Variants in PPP2R2C observed in about 807,000 individuals in gnomAD.
PPP2R2C encodes the protein protein phosphatase 2 regulatory subunit Bgamma, also known as protein phosphatase 2, regulatory subunit B, gamma.
PPP2R2C carries 10 observed loss-of-function variants against 45.3 expected under a neutral mutation model. The ratio of observed to expected loss-of-function variants is 0.22; its 90% CI spans 0.14 to 0.37. The LOEUF (loss-of-function observed/expected upper bound fraction) is 0.37. PPP2R2C is among the 10% of genes least tolerant of loss of function. The pLI is 1.00. For missense variants in PPP2R2C, 308 were observed against 619.7 expected, an observed-to-expected ratio of 0.50 and a Z score of 5.34; for synonymous variants, 257 against 245.4, an observed-to-expected ratio of 1.05 and a Z score of -0.44.
chr4:6,451,252 G>A (rs909768457), intron 1 of PPP2R2C, among the ~76,000 whole-genome samples: 1 of 152,184 alleles, frequency 6.6e-6, no homozygotes, highest in Non-Finnish European at 1.5e-5. Context: ...AGTGTGGGCT[G>A]GATCCGCTGT....
At position 6,345,358 on chromosome 4, in the gene PPP2R2C, C is replaced by T. The variant is rs994788332; in HGVS notation, c.790+2488G>A. 9.9e-5 allele frequency among the ~76,000 whole-genome samples: 15 copies of T among 152,258 alleles called. No homozygotes were observed. Among genetic ancestry groups the T allele is most frequent in the African/African-American group, 2.9e-4 (12 of 41,546 alleles). On this transcript the variant is annotated intron_variant, in intron 6 of 8. Coordinates refer to ENST00000382599, the MANE Select transcript of PPP2R2C (RefSeq NM_020416.4). The surrounding 1 kb of genome is among the most constrained non-coding windows in gnomAD (Gnocchi z 5.3). The stretch of plus-strand genomic sequence containing the variant: ...TAGGCGGTGGAACGGCCCCCAGAGA[C>T]GGCTGCGTCCTGATCCCTAGCACCT...
upstream of PPP2R2C, among the ~76,000 whole-genome samples, chr4:6,476,391 A>C (rs1052362682): frequency 6.6e-6 from 1 of 152,154 alleles, no homozygotes; most frequent in African/African-American, 2.4e-5. Context: ...ATTAGGTCCC[A>C]AGGGTGGGGC....
chr4:6,344,014 C>T (rs995740939), intron 6 of PPP2R2C, among the ~76,000 whole-genome samples: 10 of 152,352 alleles, frequency 6.6e-5, no homozygotes, highest in African/African-American at 2.2e-4. Context: ...GCAAGAGCCG[C>T]CAGAGGTCAG....
At chr4:6,336,105 G>A (rs1732825603) in intron 6 of PPP2R2C, among the ~76,000 whole-genome samples, 1 of 152,056 alleles carries the variant, frequency 6.6e-6, no homozygotes, top group Admixed American at 6.5e-5. Flanking sequence ...ACTAATAAGT[G>A]GTGTCATATT....
intron 5 of PPP2R2C, among the ~76,000 whole-genome samples, chr4:6,353,198 G>A (rs997348923): frequency 6.6e-6 from 1 of 151,934 alleles, no homozygotes; most frequent in African/African-American, 2.4e-5. Flanking sequence ...CACCCAAGGT[G>A]CTTCCTGGGA....
At chr4:6,512,120 GGGT>G (rs764467530) in intron 2 of PPP2R2C, among the ~76,000 whole-genome samples, 2,769 of 19,824 alleles carry the variant, frequency 0.14, 491 homozygotes, top group East Asian at 0.44. Context: ...GTGATGGTGG[GGGT>G]GGTGGTGGTG....
At chr4:6,545,677 CT>C (rs1230661610) in intron 1 of PPP2R2C, among the ~76,000 whole-genome samples, 1 of 152,188 alleles carries the variant, frequency 6.6e-6, no homozygotes, top group African/African-American at 2.4e-5. Context: ...CTGAGCAACC[CT>C]CTTTTTCTAA....
chr4:6,441,702 G>A (rs1720162125), intron 1 of PPP2R2C, among the ~76,000 whole-genome samples: 2 of 152,212 alleles, frequency 1.3e-5, no homozygotes, highest in African/African-American at 2.4e-5. Flanking sequence ...GGGCAAAGGA[G>A]CCTTAAAGGT....
intron 1 of PPP2R2C, among the ~76,000 whole-genome samples, chr4:6,468,866 A>C (rs1721715475): frequency 6.6e-6 from 1 of 151,966 alleles, no homozygotes; most frequent in Non-Finnish European, 1.5e-5. Context: ...AGCTCTTGAG[A>C]AATGTCTAAC....
At chr4:6,333,874 T>G in intron 6 of PPP2R2C, 143 bp from the exon 7 acceptor site, 1 of 868,320 alleles carries the variant, frequency 1.2e-6, no homozygotes, top group Non-Finnish European at 1.8e-6. Context: ...ACTAAACACT[T>G]ACCAGGGAAC....
intron 6 of PPP2R2C, 26 bp from the exon 7 acceptor site, chr4:6,333,757 G>T (rs369290850): frequency 3.7e-6 from 6 of 1,613,266 alleles, no homozygotes; most frequent in Non-Finnish European, 5.1e-6. Context: ...AGCAATGGCC[G>T]TCACTGCGCT....
chr4:6,499,069 C>T (rs578093473), intron 2 of PPP2R2C, among the ~76,000 whole-genome samples: 2 of 152,238 alleles, frequency 1.3e-5, no homozygotes, highest in South Asian at 2.1e-4. Flanking sequence ...GTGGCCAGGA[C>T]GTGGTGCCCA....
chr4:6,420,135 GTC>G (rs1362509944), intron 1 of PPP2R2C, among the ~76,000 whole-genome samples: 1 of 151,956 alleles, frequency 6.6e-6, no homozygotes, highest in Admixed American at 6.6e-5. Context: ...ATATGTGTAT[GTC>G]TCTCTCAGTC....
chr4:6,439,228 C>T (rs928040436), intron 1 of PPP2R2C, among the ~76,000 whole-genome samples: 1 of 152,226 alleles, frequency 6.6e-6, no homozygotes, highest in African/African-American at 2.4e-5. Flanking sequence ...CCAGTATCAG[C>T]AGAAATGACT....
intron 2 of PPP2R2C, among the ~76,000 whole-genome samples, chr4:6,528,408 G>A (rs1282415674): frequency 1.3e-5 from 2 of 152,208 alleles, no homozygotes; most frequent in African/African-American, 4.8e-5. Context: ...TGAGCGCCCT[G>A]CCTCAGAATC....
chr4:6,434,385 G>C, intron 1 of PPP2R2C, among the ~76,000 whole-genome samples: 1 of 98,944 alleles, frequency 1.0e-5, no homozygotes. Flanking sequence ...TGGAGACAGA[G>C]TCTCACACTG....
At chr4:6,506,103 A>C (rs984858559) in intron 2 of PPP2R2C, among the ~76,000 whole-genome samples, 3 of 152,326 alleles carry the variant, frequency 2.0e-5, no homozygotes, top group Non-Finnish European at 2.9e-5. Flanking sequence ...ACATGATCCT[A>C]CTCACATGAC....
intron 1 of PPP2R2C, among the ~76,000 whole-genome samples, chr4:6,437,812 A>G (rs1178729235): frequency 6.6e-6 from 1 of 152,184 alleles, no homozygotes; most frequent in Non-Finnish European, 1.5e-5. Flanking sequence ...TTTCAGACCT[A>G]ATCTCATTCA....
chr4:6,459,147 G>C (rs1721190928), intron 1 of PPP2R2C, among the ~76,000 whole-genome samples: 1 of 119,192 alleles, frequency 8.4e-6, no homozygotes, highest in Non-Finnish European at 1.9e-5. Context: ...ATCTTGGTGG[G>C]AATGGCTCAT....
Sources: allele counts gnomAD v4.1 joint callset (sites outside exome capture counted in the v4.1 genomes callset), GRCh38; gene constraint gnomAD v4.1.1; non-coding constraint Gnocchi (gnomAD v3.1); transcripts MANE v1.5; gene names NCBI Gene and HGNC (gene_info 2026-07-23, HGNC 2026-07-21).